USP30: variants seen among roughly 807,000 people sequenced by gnomAD.
USP30 encodes the protein ubiquitin specific peptidase 30.
A neutral mutation model predicts 68.2 loss-of-function variants in USP30; 41 were observed. The ratio of observed to expected loss-of-function variants is 0.60; its 90% CI spans 0.47 to 0.78. USP30 has a LOEUF of 0.78. Among genes scored for constraint, USP30 ranks in the 30% least tolerant of loss-of-function variants. The pLI is 0.00. For missense variants in USP30, 522 were observed against 649.4 expected (o/e 0.80, Z 2.13); for synonymous variants, 229 against 253.7 (o/e 0.90, Z 0.93).
At chr12:109,038,285 A>T (rs2040536696) in intron 3 of USP30, among the ~76,000 whole-genome samples, 3 of 144,736 alleles carry the variant, frequency 2.1e-5, no homozygotes. Context: ...GTGGTGTTTG[A>T]TTTCTGTTCC....
intron 7 of USP30, among the ~76,000 whole-genome samples, chr12:109,078,239 C>T (rs543025900): frequency 1.5e-4 from 23 of 152,176 alleles, no homozygotes; most frequent in Admixed American, 1.2e-3. Context: ...GCATGGCCAA[C>T]ATGGTGAAAC....
At chr12:109,076,450 C>G (rs1400160240) in intron 7 of USP30, among the ~76,000 whole-genome samples, 1 of 148,192 alleles carries the variant, frequency 6.7e-6, no homozygotes, top group Non-Finnish European at 1.5e-5. Flanking sequence ...CTGGCTAAGA[C>G]TTATGGTACA....
chr12:109,043,375 T>C (rs894246985), intron 3 of USP30, among the ~76,000 whole-genome samples: 1 of 152,198 alleles, frequency 6.6e-6, no homozygotes. Flanking sequence ...AACAGTATGA[T>C]ACTGGCATAA....
chr12:109,066,671 C>T (rs745704932), intron 3 of USP30, among the ~76,000 whole-genome samples: 2 of 152,062 alleles, frequency 1.3e-5, no homozygotes, highest in Non-Finnish European at 2.9e-5. Context: ...GGCGACAGAG[C>T]ACGACTCTGT....
At chr12:109,054,132 A>G (rs2040764602) in intron 1 of USP30, 2 of 453,374 alleles carry the variant, frequency 4.4e-6, no homozygotes, top group African/African-American at 2.0e-5. Flanking sequence ...AAAGCACCTT[A>G]GCACTTCCAT....
chr12:109,027,472 G>A (rs1181822273), exon 3 of USP30: 1 of 152,104 alleles, frequency 6.6e-6, no homozygotes, highest in Admixed American at 6.5e-5. Flanking sequence ...TAGAGACAGA[G>A]TCTTGCTATG....
intron 11 of USP30, 151 bp from the exon 12 acceptor site, chr12:109,084,802 C>A: frequency 2.3e-6 from 2 of 856,550 alleles, no homozygotes; most frequent in East Asian, 2.9e-5. Context: ...GGATAAAGGG[C>A]AGATTATTTT....
chr12:109,052,449 CG>C (rs1295349713), upstream of USP30: 11 of 402,000 alleles, frequency 2.7e-5, no homozygotes, highest in Non-Finnish European at 8.8e-6. Context: ...CAACCGACGC[CG>C]GGGCCTGTTG....
chr12:109,076,110 T>A (rs981504218), intron 7 of USP30, among the ~76,000 whole-genome samples: 1 of 152,196 alleles, frequency 6.6e-6, no homozygotes, highest in African/African-American at 2.4e-5. Flanking sequence ...GTAAGATATG[T>A]TAAGGAACTG....
In USP30 at chr12:109,056,803, A is replaced by G; in HGVS notation, c.193+12A>G. On this transcript the variant is annotated intron_variant, in intron 2 of 12. Coordinates refer to ENST00000257548, the MANE Select transcript of USP30 (RefSeq NM_032663.5). ...GAAGCGTAGAAAAGGTAAGAATGAG[A>G]ACACTGCATCATGGTCTGTAGACTT... is the stretch of plus-strand genomic sequence containing the variant. 6.3e-7 allele frequency: 1 copy of G among 1,582,138 alleles called. No individual in the cohort carries two copies. Among genetic ancestry groups the G allele is most frequent in the Non-Finnish European group, 8.6e-7 (1 of 1,157,256 alleles).
intron 9 of USP30, among the ~76,000 whole-genome samples, chr12:109,082,235 G>A (rs1215385651): frequency 6.6e-6 from 1 of 152,208 alleles, no homozygotes; most frequent in Non-Finnish European, 1.5e-5. Context: ...AGAATAAACT[G>A]TCACGCTGAG....
intron 3 of USP30, among the ~76,000 whole-genome samples, chr12:109,066,595 G>T (rs2041259089): frequency 6.6e-6 from 1 of 152,172 alleles, no homozygotes; most frequent in Admixed American, 6.5e-5. Context: ...TGAGGCAGGA[G>T]AATCGCTTGA....
chr12:109,042,229 T>G (rs2040570146), intron 3 of USP30, among the ~76,000 whole-genome samples: 1 of 152,024 alleles, frequency 6.6e-6, no homozygotes, highest in African/African-American at 2.4e-5. Flanking sequence ...GAATGTCAAT[T>G]TTGATGCTGT....
chr12:109,025,633 A>G (rs1415871488), intron 2 of USP30, among the ~76,000 whole-genome samples: 1 of 152,206 alleles, frequency 6.6e-6, no homozygotes, highest in Non-Finnish European at 1.5e-5. Context: ...TGTAGATACT[A>G]AAAGAAGCAG....
At chr12:109,057,420 A>G (rs894013943) in intron 2 of USP30, among the ~76,000 whole-genome samples, 4 of 152,196 alleles carry the variant, frequency 2.6e-5, no homozygotes, top group African/African-American at 9.7e-5. Flanking sequence ...AGAGAAGTAT[A>G]TTAGATTTCA....
At chr12:109,039,263 AT>A (rs1593223326) in intron 3 of USP30, among the ~76,000 whole-genome samples, 2 of 152,110 alleles carry the variant, frequency 1.3e-5, no homozygotes, top group Non-Finnish European at 2.9e-5. Flanking sequence ...TTTCAAGTTA[AT>A]TTGCATGTCT....
At chr12:109,045,149 T>C (rs938882243) in intron 3 of USP30, among the ~76,000 whole-genome samples, 78 of 152,256 alleles carry the variant, frequency 5.1e-4, no homozygotes, top group African/African-American at 1.8e-3. Context: ...TGGCTAATTT[T>C]TGTATTTTTA....
chr12:109,056,274 ACT>A (rs1218675187), intron 1 of USP30, among the ~76,000 whole-genome samples: 24 of 151,956 alleles, frequency 1.6e-4, no homozygotes, highest in African/African-American at 5.8e-4. Flanking sequence ...CTCTGTGCAA[ACT>A]CTGCCTCCCA....
intron 1 of USP30, among the ~76,000 whole-genome samples, chr12:109,055,400 A>ATATATATATATATTTTTTTT (rs1298811530): frequency 4.1e-5 from 1 of 24,468 alleles, no homozygotes; most frequent in African/African-American, 1.1e-4. Flanking sequence ...ATATATATAT[A>ATATATATATATATTTTTTTT]TTTTTTTTTT....
Sources: allele counts gnomAD v4.1 joint callset (sites outside exome capture counted in the v4.1 genomes callset), GRCh38; gene constraint gnomAD v4.1.1; transcripts MANE v1.5; gene names NCBI Gene and HGNC (gene_info 2026-07-23, HGNC 2026-07-21).